Variants in TOGARAM2 observed in about 807,000 individuals in gnomAD.
The protein encoded by TOGARAM2 is TOG array regulator of axonemal microtubules protein 2.
Under a neutral mutation model 93.3 loss-of-function variants are expected in TOGARAM2, and 85 were observed. That is an observed-to-expected ratio of 0.91 (90% CI 0.76 to 1.09). TOGARAM2 has a LOEUF of 1.09. Among genes scored for constraint, TOGARAM2 ranks in the 50% least tolerant of loss-of-function variants. The pLI is 0.00. For missense variants in TOGARAM2, 1,277 were observed against 1,334.5 expected (o/e 0.96, Z 0.67); for synonymous variants, 593 against 552.8 (o/e 1.07, Z -1.02).
At chr2:28,968,826 A>C (rs1671904401) in intron 1 of TOGARAM2, among the ~76,000 whole-genome samples, 1 of 124,562 alleles carries the variant, frequency 8.0e-6, no homozygotes. Flanking sequence ...AAAAAAAAAA[A>C]AAAAAAAAAA....
chr2:29,005,725 A>G (rs1424053961), intron 6 of TOGARAM2, among the ~76,000 whole-genome samples: 1 of 108,774 alleles, frequency 9.2e-6, no homozygotes, highest in Non-Finnish European at 2.0e-5. Flanking sequence ...GCATGTGTGC[A>G]TGTGTGTGAG....
rs745560703 is a variant in TOGARAM2, at chr2:29,043,299, T to C, written c.2636-2025T>C. Among the ~76,000 whole-genome samples, 28 of 152,168 alleles carry C rather than the reference T, an allele frequency of 1.8e-4. 1 individual carries two copies. The highest frequency in any genetic ancestry group is 3.2e-4 in the Non-Finnish European group (22 of 68,006). Reference sequence around the variant, plus strand: ...TGCAAACAGCAGAGATGTACCTGGGTACATTTTCTCCTCTGTATCCCTCAG... The same window carrying C: ...TGCAAACAGCAGAGATGTACCTGGGCACATTTTCTCCTCTGTATCCCTCAG... On this transcript the variant is annotated intron_variant, in intron 18 of 19. Transcript: ENST00000379558.
intron 1 of TOGARAM2, among the ~76,000 whole-genome samples, chr2:28,958,866 T>C (rs1027447373): frequency 1.1e-4 from 16 of 152,238 alleles, no homozygotes; most frequent in African/African-American, 3.1e-4. Context: ...CAGTTGGTTC[T>C]GGCCGCCTCC....
At chr2:28,959,859 G>A (rs1046839167) in intron 1 of TOGARAM2, among the ~76,000 whole-genome samples, 11 of 152,258 alleles carry the variant, frequency 7.2e-5, no homozygotes, top group Non-Finnish European at 4.4e-5. Flanking sequence ...GAAAGATGTT[G>A]TTAGGTGAAA....
Position 29,023,071 on chromosome 2 carries a change from G to T in TOGARAM2, c.1512-15G>T. Reference sequence around the variant, plus strand: ...TCTCCACCCTTCTGCAACAGGGCCTGGCCTTGCTTCTCAGGCAGATGAAGG... The same window carrying T: ...TCTCCACCCTTCTGCAACAGGGCCTTGCCTTGCTTCTCAGGCAGATGAAGG... On this transcript the variant is annotated splice_polypyrimidine_tract_variant and intron_variant, in intron 11 of 19. Transcript: ENST00000379558. 6.4e-7 allele frequency: 1 copy of T among 1,574,500 alleles called. No individual in the cohort carries two copies. The highest frequency in any genetic ancestry group is 8.6e-7 in the Non-Finnish European group (1 of 1,159,104).
chr2:29,008,348 AT>A (rs1664012889), intron 6 of TOGARAM2, among the ~76,000 whole-genome samples: 4 of 152,142 alleles, frequency 2.6e-5, no homozygotes, highest in Non-Finnish European at 5.9e-5. Flanking sequence ...CTGCAGTTTC[AT>A]CACATTGGTT....
rs1308574835 is a variant in TOGARAM2 at position 28,956,900 on chromosome 2, G to A, written c.-147+203G>A. On this transcript the variant is annotated intron_variant, in intron 1 of 6. Coordinates refer to the TOGARAM2 transcript ENST00000401723. This position sits in a 1 kb window ranked among gnomAD's most constrained non-coding sequence, Gnocchi z 4.5. ...AACACTTTGGGAGGCCGAGGCGGGCGGATCACCTGAGGTCAGGAGTTCGAG... is the reference window on the plus strand; with the variant it reads ...AACACTTTGGGAGGCCGAGGCGGGCAGATCACCTGAGGTCAGGAGTTCGAG... Among the ~76,000 whole-genome samples, 1 of 152,068 alleles carries A rather than the reference G, an allele frequency of 6.6e-6. No individual in the cohort carries two copies. The highest frequency in any genetic ancestry group is 1.5e-5 in the Non-Finnish European group (1 of 67,998).
chr2:29,029,754 T>TAAAAA (rs764355917), intron 14 of TOGARAM2, among the ~76,000 whole-genome samples: 1 of 127,124 alleles, frequency 7.9e-6, no homozygotes. Context: ...AGGCTCTGTC[T>TAAAAA]AAAAAAAAAA....
chr2:29,050,791 G>A (rs115313936), intron 19 of TOGARAM2: 1,884 of 152,354 alleles, frequency 0.012, 23 homozygotes, highest in Non-Finnish European at 0.02. Flanking sequence ...AGGATAATGC[G>A]GCCACAGCTG....
chr2:29,001,385 C>CA (rs1673288962), intron 4 of TOGARAM2, among the ~76,000 whole-genome samples: 3 of 152,140 alleles, frequency 2.0e-5, no homozygotes, highest in African/African-American at 7.2e-5. Flanking sequence ...CTCTGTCACC[C>CA]AGGCTGGAGT....
chr2:28,986,504 T>A (rs1024709208), intron 1 of TOGARAM2, among the ~76,000 whole-genome samples: 1 of 152,194 alleles, frequency 6.6e-6, no homozygotes, highest in Non-Finnish European at 1.5e-5. Context: ...GTCATTAGAT[T>A]CAGGTGTGAA....
Position 29,045,322 on chromosome 2 carries a change from A to G in TOGARAM2, c.2636-2A>G, listed in dbSNP as rs1189275856. On this transcript the variant is annotated splice_acceptor_variant, in intron 18 of 19. Coordinates refer to ENST00000379558, the MANE Select transcript of TOGARAM2 (RefSeq NM_199280.4). LOFTEE classifies it high-confidence loss of function. Reference sequence around the variant, plus strand: ...GCCACTGACATCCCCCTTCTCTTTCAGACAACCTTTGCCTTCTACCAGCGC... The same window carrying G: ...GCCACTGACATCCCCCTTCTCTTTCGGACAACCTTTGCCTTCTACCAGCGC... 1.2e-6 allele frequency: 2 copies of G among 1,612,184 alleles called. No homozygotes were observed. The highest frequency in any genetic ancestry group is 2.2e-5 in the South Asian group (2 of 90,936).
At chr2:28,987,533 C>T (rs546935408) in intron 1 of TOGARAM2, among the ~76,000 whole-genome samples, 1 of 152,332 alleles carries the variant, frequency 6.6e-6, no homozygotes, top group East Asian at 1.9e-4. Context: ...TCGTGATCCG[C>T]CCACCTCGGC....
At chr2:29,019,663 T>C (rs1572721180) in intron 10 of TOGARAM2, among the ~76,000 whole-genome samples, 4 of 152,048 alleles carry the variant, frequency 2.6e-5, no homozygotes, top group Non-Finnish European at 5.9e-5. Flanking sequence ...GGTGAGCGGG[T>C]AGGTAGAAAT....
intron 1 of TOGARAM2, among the ~76,000 whole-genome samples, chr2:28,967,281 C>G (rs1231379306): frequency 6.6e-6 from 1 of 152,068 alleles, no homozygotes; most frequent in Non-Finnish European, 1.5e-5. Flanking sequence ...TTGAGACCAA[C>G]CTGGGCAACA....
intron 1 of TOGARAM2, among the ~76,000 whole-genome samples, chr2:28,986,329 G>A (rs1310002964): frequency 6.6e-6 from 1 of 152,054 alleles, no homozygotes; most frequent in Non-Finnish European, 1.5e-5. Context: ...GGGTTGTGGA[G>A]GGGGGATGTT....
At chr2:29,021,412 G>A (rs1394891262) in intron 10 of TOGARAM2, among the ~76,000 whole-genome samples, 3 of 152,236 alleles carry the variant, frequency 2.0e-5, no homozygotes, top group Non-Finnish European at 4.4e-5. Context: ...CCGAGGGGCT[G>A]TGGAGGGTCC....
intron 19 of TOGARAM2, chr2:29,046,426 G>C (rs1019522033): frequency 1.3e-5 from 2 of 152,248 alleles, no homozygotes; most frequent in African/African-American, 4.8e-5. Context: ...TCTAGGGAGG[G>C]GGGCAGAGGG....
At chr2:29,031,427 A>G (rs1462995166) in intron 14 of TOGARAM2, among the ~76,000 whole-genome samples, 1 of 152,268 alleles carries the variant, frequency 6.6e-6, no homozygotes, top group African/African-American at 2.4e-5. Flanking sequence ...TGTAGGAACT[A>G]CACTATGAGC....
Sources: gnomAD v4.1 joint callset for allele counts (sites outside exome capture counted in the v4.1 genomes callset) on GRCh38, gnomAD v4.1.1 for gene constraint, Gnocchi (gnomAD v3.1) non-coding constraint, MANE v1.5 for transcripts, NCBI Gene and HGNC (gene_info 2026-07-23, HGNC 2026-07-21) for gene names.